DYSF: variants seen among roughly 807,000 people sequenced by gnomAD.
The protein encoded by DYSF is dystrophy-associated fer-1-like 1.
A neutral mutation model predicts 274.9 loss-of-function variants in DYSF; 212 were observed. That is an observed-to-expected ratio of 0.77 (90% CI 0.69 to 0.86). The LOEUF is 0.86. Among genes scored for constraint, DYSF ranks in the 40% least tolerant of loss-of-function variants. The probability of loss-of-function intolerance (pLI) is 0.00; values close to 1 mark genes in which losing one functional copy is unlikely to be tolerated. For missense variants in DYSF, 2,666 were observed against 2,783.2 expected (o/e 0.96, Z 0.95); for synonymous variants, 1,091 against 1,078.7 (o/e 1.01, Z -0.22).
chr2:71,495,796 G>C (rs2084323413), intron 3 of DYSF, among the ~76,000 whole-genome samples: 1 of 152,032 alleles, frequency 6.6e-6, no homozygotes, highest in African/African-American at 2.4e-5. Flanking sequence ...GGAGTCACTG[G>C]GGCAGGGGCT....
chr2:71,484,976 C>T (rs2083250729), intron 3 of DYSF, among the ~76,000 whole-genome samples: 1 of 152,188 alleles, frequency 6.6e-6, no homozygotes, highest in Admixed American at 6.5e-5. Context: ...AAAACCAGTG[C>T]CCCATGTGAG....
At chr2:71,619,432 A>G (rs1275135122) in intron 40 of DYSF, among the ~76,000 whole-genome samples, 1 of 152,094 alleles carries the variant, frequency 6.6e-6, no homozygotes, top group Middle Eastern at 3.2e-3. Flanking sequence ...GAGGGATCCG[A>G]GTCCCCAAAC....
chr2:71,642,856 C>G (rs2094507536), intron 41 of DYSF, among the ~76,000 whole-genome samples: 1 of 152,200 alleles, frequency 6.6e-6, no homozygotes, highest in African/African-American at 2.4e-5. Flanking sequence ...AAGGGGCCAC[C>G]AGCATTTTCA....
chr2:71,541,092 T>G (rs552366694), intron 17 of DYSF, among the ~76,000 whole-genome samples: 2 of 152,340 alleles, frequency 1.3e-5, no homozygotes, highest in African/African-American at 4.8e-5. Context: ...TCAATTGGTA[T>G]GTCTGCTTAT....
intron 41 of DYSF, among the ~76,000 whole-genome samples, chr2:71,641,590 A>G (rs185588008): frequency 4.2e-4 from 64 of 152,254 alleles, no homozygotes; most frequent in African/African-American, 1.3e-3. Context: ...TTCTTGAATT[A>G]TCAGGTAATT....
intron 42 of DYSF, among the ~76,000 whole-genome samples, chr2:71,653,652 G>A (rs180688358): frequency 0.036 from 4,150 of 114,410 alleles, 89 homozygotes; most frequent in Middle Eastern, 0.054. Context: ...ACACTCTGGG[G>A]CCTGTTGTGG....
Position 71,513,273 on chromosome 2 carries a change from T to A in DYSF, c.494T>A (p.Leu165Gln). ...GGQSRAETWS[L>Q]LSDSTMDTRY... ...CAGAGCCGGGCCGAGACTTGGTCCC[T>A]GCTCAGTGACAGCACCATGGACACG... Residue 165 changes from leucine to glutamine, a missense_variant, in exon 6 of 56, where the codon CTG becomes CAG. By Grantham distance (113) the Leu-to-Gln change is moderately radical. Coordinates refer to ENST00000410020, the MANE Select transcript of DYSF (RefSeq NM_001130987.2). 6.4e-7 allele frequency: 1 copy of A among 1,551,590 alleles called. No homozygotes were observed. Among genetic ancestry groups the A allele is most frequent in the Non-Finnish European group, 8.7e-7 (1 of 1,146,954 alleles).
intron 17 of DYSF, among the ~76,000 whole-genome samples, chr2:71,550,550 G>A (rs961481745): frequency 1.3e-5 from 2 of 151,638 alleles, no homozygotes; most frequent in Non-Finnish European, 2.9e-5. Context: ...TCTGGTTACC[G>A]GGCTCTGGGA....
chr2:71,549,133 G>C (rs1454538045), intron 17 of DYSF, among the ~76,000 whole-genome samples: 2 of 152,222 alleles, frequency 1.3e-5, no homozygotes, highest in Non-Finnish European at 2.9e-5. Flanking sequence ...GGCTCATGGG[G>C]TGTTGGGGGC....
chr2:71,662,421 T>A (rs757012937), intron 45 of DYSF, among the ~76,000 whole-genome samples: 6 of 151,994 alleles, frequency 3.9e-5, no homozygotes, highest in Non-Finnish European at 8.8e-5. Flanking sequence ...GTTGTGTGTG[T>A]ATATGTGTGT....
intron 14 of DYSF, among the ~76,000 whole-genome samples, chr2:71,533,252 T>C (rs1416641730): frequency 6.6e-6 from 1 of 152,204 alleles, no homozygotes; most frequent in Non-Finnish European, 1.5e-5. Flanking sequence ...ACTCCTGACC[T>C]CAAGTGACCC....
intron 27 of DYSF, 55 bp from the exon 28 acceptor site, chr2:71,570,174 C>T (rs1427277866): frequency 6.6e-7 from 1 of 1,511,262 alleles, no homozygotes; most frequent in Non-Finnish European, 9.2e-7. Flanking sequence ...TTCTGCCTCC[C>T]TGCTCACATC....
At chr2:71,669,365 C>G (rs547722954) in intron 50 of DYSF, among the ~76,000 whole-genome samples, 158 bp downstream of exon 50, 31 of 152,276 alleles carry the variant, frequency 2.0e-4, no homozygotes, top group Admixed American at 1.8e-3. Flanking sequence ...GGGGAAATCG[C>G]TCTCCCACCA....
At chr2:71,601,478 G>A in intron 34 of DYSF, 21 bp from the exon 35 acceptor site, 1 of 1,614,162 alleles carries the variant, frequency 6.2e-7, no homozygotes, top group Middle Eastern at 1.6e-4. Context: ...CATGACCAGA[G>A]CTCTCTTTTC....
chr2:71,532,825 A>C (rs2088886249), intron 14 of DYSF, among the ~76,000 whole-genome samples: 1 of 136,652 alleles, frequency 7.3e-6, no homozygotes, highest in Non-Finnish European at 1.6e-5. Context: ...TAGGTAGTAC[A>C]TTTATTCTAT....
chr2:71,551,145 A>G lies in DYSF; in HGVS notation c.1681A>G (p.Asn561Asp), dbSNP rs1424545041. ...CTTCCCAGACCCCTACACAGAGCTC[A>G]ACACAGGCAAGGTAAGCCGGCTGGA... ...TGFPDPYTEL[N>D]TGKGEGVAYR... The change falls in exon 18 of 56, where the codon AAC becomes GAC. Residue 561 changes from asparagine to aspartate, a missense_variant. By Grantham distance (23) the Asn-to-Asp change is conservative. Transcript: ENST00000410020. The G allele has an allele frequency of 6.2e-7, 1 of 1,610,254 alleles. No homozygotes were observed. The highest frequency in any genetic ancestry group is 1.7e-5 in the Admixed American group (1 of 60,018).
chr2:71,529,297 A>G (rs151316865), intron 14 of DYSF, among the ~76,000 whole-genome samples: 1 of 152,106 alleles, frequency 6.6e-6, no homozygotes, highest in Admixed American at 6.5e-5. Flanking sequence ...TCGTGCCCCC[A>G]CAGCCACTGC....
In DYSF at chr2:71,551,079, T is replaced by C. The variant is rs1573929182; in HGVS notation, c.1615T>C (p.Cys539Arg). 1 of 1,614,158 alleles carries C rather than the reference T, an allele frequency of 6.2e-7. No homozygotes were observed. The highest frequency in any genetic ancestry group is 8.5e-7 in the Non-Finnish European group (1 of 1,179,994). ...YLGFLPTFGP[C>R]YINLYGSPRE... ...GGGCTTCCTCCCCACTTTTGGGCCCTGCTACATCAACCTCTATGGCAGTCC... is the reference window on the plus strand; with the variant it reads ...GGGCTTCCTCCCCACTTTTGGGCCCCGCTACATCAACCTCTATGGCAGTCC... The change falls in exon 18 of 56, where the codon TGC (cysteine) becomes CGC (arginine). Residue 539 changes from cysteine (C) to arginine (R), a missense_variant. By Grantham distance (180) the Cys-to-Arg change is radical. Around this residue, in one of 3 missense-constraint regions of DYSF, gnomAD observed 794 missense variants for 777.1 expected, o/e 1.02. Transcript: ENST00000410020.
chr2:71,537,381 G>C (rs939424761), intron 16 of DYSF, among the ~76,000 whole-genome samples: 1 of 151,784 alleles, frequency 6.6e-6, no homozygotes, highest in Non-Finnish European at 1.5e-5. Flanking sequence ...GAGTAGCAGG[G>C]ATTACAGGCA....
Sources: allele counts gnomAD v4.1 joint callset (sites outside exome capture counted in the v4.1 genomes callset), GRCh38; gene constraint gnomAD v4.1.1; regional missense constraint gnomAD v4.1.1; transcripts MANE v1.5; gene names NCBI Gene and HGNC (gene_info 2026-07-23, HGNC 2026-07-21).